PTPRD: variants seen among roughly 807,000 people sequenced by gnomAD.
The protein encoded by PTPRD is receptor-type tyrosine-protein phosphatase delta.
Under a neutral mutation model 214.5 loss-of-function variants are expected in PTPRD, and 34 were observed. The ratio of observed to expected loss-of-function variants is 0.16; its 90% CI spans 0.12 to 0.21. The LOEUF (loss-of-function observed/expected upper bound fraction) is 0.21. Ranked by LOEUF, PTPRD falls within the 10% of genes least tolerant of loss-of-function variation. PTPRD has a pLI of 1.00. For missense variants in PTPRD, 2,545 were observed against 2,398.7 expected (o/e 1.06, Z -1.27); for synonymous variants, 1,128 against 845.7 (o/e 1.33, Z -5.79).
At chr9:10,592,118 A>T (rs373595708) in intron 2 of PTPRD, among the ~76,000 whole-genome samples, 1 of 152,120 alleles carries the variant, frequency 6.6e-6, no homozygotes, top group Non-Finnish European at 1.5e-5. Flanking sequence ...ATGAGTATTA[A>T]GACTGAAGCA....
intron 8 of PTPRD, among the ~76,000 whole-genome samples, chr9:9,503,960 C>T (rs548298065): frequency 6.6e-6 from 1 of 151,872 alleles, no homozygotes; most frequent in East Asian, 1.9e-4. Flanking sequence ...ATTATTTTAT[C>T]CAAAGACAAT....
chr9:10,363,779 T>C (rs992783603), intron 2 of PTPRD, among the ~76,000 whole-genome samples: 13 of 152,126 alleles, frequency 8.5e-5, no homozygotes, highest in African/African-American at 3.1e-4. Context: ...TTTTTTGCAA[T>C]GAAAAGGTCA....
At chr9:9,678,154 T>C (rs2096975684) in intron 7 of PTPRD, among the ~76,000 whole-genome samples, 1 of 152,096 alleles carries the variant, frequency 6.6e-6, no homozygotes, top group African/African-American at 2.4e-5. Context: ...CAAGGTAATT[T>C]ATAGATTCAA....
intron 14 of PTPRD, among the ~76,000 whole-genome samples, chr9:8,558,858 G>C (rs866912615): frequency 6.6e-6 from 1 of 152,088 alleles, no homozygotes; most frequent in East Asian, 1.9e-4. Context: ...ACAAAATGGT[G>C]CTTGGCATTC....
chr9:10,562,540 A>G (rs1403487075), intron 2 of PTPRD, among the ~76,000 whole-genome samples: 2 of 152,186 alleles, frequency 1.3e-5, no homozygotes, highest in Admixed American at 6.5e-5. Context: ...TAATAGAAAC[A>G]TCTTGAAATC....
chr9:8,647,609 C>G (rs949808439), intron 12 of PTPRD, among the ~76,000 whole-genome samples: 4 of 152,074 alleles, frequency 2.6e-5, no homozygotes, highest in Non-Finnish European at 4.4e-5. Flanking sequence ...CATATCTTTG[C>G]ACATATATGT....
chr9:8,484,605 G>GATAT (rs1392070274), intron 29 of PTPRD, among the ~76,000 whole-genome samples: 5 of 121,428 alleles, frequency 4.1e-5, no homozygotes, highest in African/African-American at 1.8e-4. Flanking sequence ...AATACACAAA[G>GATAT]ATAGATATAT....
chr9:10,416,899 G>A (rs2098496091), intron 2 of PTPRD, among the ~76,000 whole-genome samples: 1 of 151,796 alleles, frequency 6.6e-6, no homozygotes, highest in Non-Finnish European at 1.5e-5. Flanking sequence ...TAAGAGTCCT[G>A]GAAAATAATT....
chr9:10,483,186 G>A (rs1446345670), intron 2 of PTPRD, among the ~76,000 whole-genome samples: 1 of 152,064 alleles, frequency 6.6e-6, no homozygotes, highest in Admixed American at 6.6e-5. Flanking sequence ...ATTGGGGAAA[G>A]GACATTCTAT....
chr9:10,090,906 T>C lies in PTPRD; in HGVS notation c.-544-57116A>G, dbSNP rs539651978. ...ATCTACACCAAAGGACATTTGTGTA[T>C]ATAAATGAAATATACACACACACAC... On this transcript the variant is annotated intron_variant, in intron 3 of 45. Transcript: ENST00000381196. Among the ~76,000 whole-genome samples the C allele has an allele frequency of 1.1e-4, 14 of 133,024 alleles. No individual in the cohort carries two copies. The South Asian group carries it at 3.3e-3, about 32-fold the overall frequency. 87.3% of individuals were successfully genotyped at this position (133,024 alleles called of 152,430 possible). A position where few individuals can be genotyped will look rare whatever the true frequency, so the allele number is the denominator to read the frequency against.
chr9:8,384,609 C>T (rs1027134822), intron 37 of PTPRD, among the ~76,000 whole-genome samples: 1 of 152,160 alleles, frequency 6.6e-6, no homozygotes, highest in Non-Finnish European at 1.5e-5. Context: ...CCCACCACAA[C>T]CTCTGTCTCC....
At chr9:10,098,343 TG>T (rs2098514537) in intron 3 of PTPRD, among the ~76,000 whole-genome samples, 1 of 35,580 alleles carries the variant, frequency 2.8e-5, no homozygotes, top group Non-Finnish European at 5.3e-5. Context: ...GGGATGGTTG[TG>T]GGGTTGGGGG....
chr9:9,848,263 C>G (rs561140282), intron 5 of PTPRD, among the ~76,000 whole-genome samples: 1 of 152,088 alleles, frequency 6.6e-6, no homozygotes, highest in Non-Finnish European at 1.5e-5. Context: ...CTGTTATGTT[C>G]ATTTATATCA....
chr9:8,560,778 C>T (rs1201185200), intron 14 of PTPRD, among the ~76,000 whole-genome samples: 4 of 152,120 alleles, frequency 2.6e-5, no homozygotes, highest in Admixed American at 2.0e-4. Flanking sequence ...ATGTTCTTCA[C>T]AACAGGGTTA....
chr9:9,504,604 G>C (rs1357065545), intron 8 of PTPRD, among the ~76,000 whole-genome samples: 1 of 151,662 alleles, frequency 6.6e-6, no homozygotes, highest in Admixed American at 6.6e-5. Flanking sequence ...AGGCAAAGAT[G>C]CCTACGCTCA....
intron 5 of PTPRD, among the ~76,000 whole-genome samples, chr9:9,933,606 T>C (rs944809392): frequency 3.1e-4 from 47 of 150,862 alleles, no homozygotes; most frequent in African/African-American, 1.1e-3. Context: ...CAAGGAGACT[T>C]AGACTCCCAC....
chr9:8,979,973 G>A (rs1299618643), intron 11 of PTPRD, among the ~76,000 whole-genome samples: 2 of 151,992 alleles, frequency 1.3e-5, no homozygotes, highest in Non-Finnish European at 2.9e-5. Context: ...AATGTCTGTA[G>A]ATGAGCAAAT....
At chr9:10,352,944 T>A (rs979024191) in intron 2 of PTPRD, among the ~76,000 whole-genome samples, 2 of 151,924 alleles carry the variant, frequency 1.3e-5, no homozygotes, top group African/African-American at 4.8e-5. Flanking sequence ...AAAATAAATA[T>A]TAACTTATAT....
At chr9:8,750,287 A>G (rs2093382498) in intron 11 of PTPRD, among the ~76,000 whole-genome samples, 1 of 151,732 alleles carries the variant, frequency 6.6e-6, no homozygotes. Flanking sequence ...CCTCCCAAGT[A>G]GCTGGGACTA....
Sources: gnomAD v4.1 joint callset for allele counts (sites outside exome capture counted in the v4.1 genomes callset) on GRCh38, gnomAD v4.1.1 for gene constraint, MANE v1.5 for transcripts, NCBI Gene and HGNC (gene_info 2026-07-23, HGNC 2026-07-21) for gene names.